IRAK3: variants seen among roughly 807,000 people sequenced by gnomAD.
IRAK3 encodes interleukin-1 receptor-associated kinase 3.
In IRAK3, 57 loss-of-function variants were observed where a neutral mutation model predicts 56.6. The ratio of observed to expected loss-of-function variants is 1.01; its 90% CI spans 0.81 to 1.26. The LOEUF is 1.26. IRAK3 is among the 50% of genes most tolerant of loss of function. The probability of loss-of-function intolerance (pLI) is 0.00; values close to 1 mark genes in which losing one functional copy is unlikely to be tolerated. For synonymous variants in IRAK3, 258 were observed against 255.7 expected, an observed-to-expected ratio of 1.01 and a Z score of -0.09; for missense variants, 703 against 719.0, an observed-to-expected ratio of 0.98 and a Z score of 0.25.
chr12:66,196,920 G>C (rs976280100), intron 1 of IRAK3: 2 of 1,534,680 alleles, frequency 1.3e-6, no homozygotes, highest in Non-Finnish European at 8.7e-7. Flanking sequence ...TCTTAATTTT[G>C]CAGGGGTTTT....
At chr12:66,225,001 T>C (rs1463113213) in intron 6 of IRAK3, among the ~76,000 whole-genome samples, 2 of 152,196 alleles carry the variant, frequency 1.3e-5, no homozygotes, top group African/African-American at 2.4e-5. Context: ...GCAAACTTTC[T>C]CCAAGGTATC....
chr12:66,239,417 G>C (rs576678132), intron 8 of IRAK3, among the ~76,000 whole-genome samples: 2 of 151,944 alleles, frequency 1.3e-5, no homozygotes, highest in Non-Finnish European at 2.9e-5. Flanking sequence ...GGGCATAGGG[G>C]GCCACAGATT....
At chr12:66,215,672 A>G (rs889194693) in intron 5 of IRAK3, among the ~76,000 whole-genome samples, 1 of 152,174 alleles carries the variant, frequency 6.6e-6, no homozygotes, top group African/African-American at 2.4e-5. Context: ...CAAGGTGTGT[A>G]CAAAGTCTTA....
chr12:66,199,263 A>C (rs1356021575), intron 1 of IRAK3, among the ~76,000 whole-genome samples: 1 of 152,206 alleles, frequency 6.6e-6, no homozygotes, highest in Non-Finnish European at 1.5e-5. Flanking sequence ...TTTGTTATTA[A>C]GAAGTTTGAG....
intron 6 of IRAK3, among the ~76,000 whole-genome samples, chr12:66,218,879 C>T (rs954533726): frequency 2.0e-5 from 3 of 152,102 alleles, no homozygotes; most frequent in Non-Finnish European, 4.4e-5. Flanking sequence ...TGCTTCTCTA[C>T]GTTTGACTTT....
intron 2 of IRAK3, among the ~76,000 whole-genome samples, chr12:66,208,586 C>A (rs1565801653): frequency 6.6e-6 from 1 of 151,046 alleles, no homozygotes; most frequent in Non-Finnish European, 1.5e-5. Flanking sequence ...CATGGTGAAA[C>A]CCTGTCTCTA....
chr12:66,207,667 T>G (rs1411086145), intron 2 of IRAK3, among the ~76,000 whole-genome samples: 1 of 152,196 alleles, frequency 6.6e-6, no homozygotes, highest in Non-Finnish European at 1.5e-5. Flanking sequence ...CAGCTATAAA[T>G]TTCCCTCTAA....
intron 1 of IRAK3, among the ~76,000 whole-genome samples, chr12:66,202,711 G>A (rs2052520770): frequency 6.6e-6 from 1 of 151,908 alleles, no homozygotes; most frequent in Admixed American, 6.6e-5. Flanking sequence ...AGGCTGAGGT[G>A]GGAGGATTGC....
intron 5 of IRAK3, 98 bp downstream of exon 5, chr12:66,211,695 T>C: frequency 9.5e-7 from 1 of 1,052,804 alleles, no homozygotes. Context: ...AAAGGGGTAT[T>C]TGAAAATAAA....
intron 8 of IRAK3, among the ~76,000 whole-genome samples, chr12:66,233,072 C>T (rs2052861025): frequency 6.6e-6 from 1 of 152,054 alleles, no homozygotes; most frequent in African/African-American, 2.4e-5. Flanking sequence ...AAGCCCTATG[C>T]TGCTGTTTTA....
chr12:66,224,379 C>T (rs1565806600), intron 6 of IRAK3, among the ~76,000 whole-genome samples: 1 of 152,076 alleles, frequency 6.6e-6, no homozygotes, highest in Non-Finnish European at 1.5e-5. Flanking sequence ...AGTAAACAGA[C>T]AATTTCAATA....
intron 8 of IRAK3, chr12:66,234,672 T>C (rs2136944801): frequency 6.2e-7 from 1 of 1,610,496 alleles, no homozygotes; most frequent in South Asian, 1.1e-5. Context: ...CCTGGTGGTG[T>C]CTTAATAAAT....
intron 2 of IRAK3, among the ~76,000 whole-genome samples, chr12:66,206,748 T>C (rs1053682339): frequency 6.6e-6 from 1 of 152,236 alleles, no homozygotes; most frequent in African/African-American, 2.4e-5. Context: ...GGAATTGTTC[T>C]ATCTTTTTCT....
chr12:66,240,797 A>G (rs920037108), intron 8 of IRAK3, among the ~76,000 whole-genome samples: 1 of 149,426 alleles, frequency 6.7e-6, no homozygotes, highest in Non-Finnish European at 1.5e-5. Flanking sequence ...CTGGACCCAT[A>G]TATATACTAT....
intron 8 of IRAK3, chr12:66,234,811 G>C (rs1419780040): frequency 1.2e-6 from 2 of 1,601,074 alleles, no homozygotes; most frequent in Non-Finnish European, 1.7e-6. Flanking sequence ...CAAATGGTTT[G>C]AGCATATTTT....
intron 1 of IRAK3, among the ~76,000 whole-genome samples, chr12:66,202,745 C>T (rs1429131680): frequency 6.6e-6 from 1 of 151,536 alleles, no homozygotes; most frequent in East Asian, 1.9e-4. Context: ...ATGGAGGCTG[C>T]AGTGAGCTGA....
At chr12:66,195,962 C>T (rs1592574068) in intron 1 of IRAK3, among the ~76,000 whole-genome samples, 1 of 147,010 alleles carries the variant, frequency 6.8e-6, no homozygotes, top group Admixed American at 6.9e-5. Flanking sequence ...TGGCCATGGC[C>T]ACTCTTTTAA....
At chr12:66,237,527 C>T (rs893520567) in intron 8 of IRAK3, among the ~76,000 whole-genome samples, 2 of 152,148 alleles carry the variant, frequency 1.3e-5, no homozygotes, top group Non-Finnish European at 2.9e-5. Context: ...AAAGATGTCT[C>T]AGTTAACTAT....
intron 1 of IRAK3, among the ~76,000 whole-genome samples, chr12:66,194,827 CAAA>C (rs71096077): frequency 1.8e-4 from 24 of 132,418 alleles, no homozygotes; most frequent in African/African-American, 1.7e-4. Context: ...AGACTCCTCT[CAAA>C]AAAAAAAAAA....
Sources: allele counts gnomAD v4.1 joint callset (sites outside exome capture counted in the v4.1 genomes callset), GRCh38; gene constraint gnomAD v4.1.1; transcripts MANE v1.5; gene names NCBI Gene and HGNC (gene_info 2026-07-23, HGNC 2026-07-21).